The following SIPA1L1 variants were observed in gnomAD, a reference collection of about 807,000 sequenced individuals.
SIPA1L1 encodes the protein signal induced proliferation associated 1 like 1.
In SIPA1L1, 26 loss-of-function variants were observed where a neutral mutation model predicts 162.7. The ratio of observed to expected loss-of-function variants is 0.16; its 90% CI spans 0.12 to 0.22. SIPA1L1 has a LOEUF of 0.22. Ranked by LOEUF, SIPA1L1 falls within the 10% of genes least tolerant of loss-of-function variation. SIPA1L1 has a pLI of 1.00. For synonymous variants in SIPA1L1, 829 were observed against 837.4 expected, an observed-to-expected ratio of 0.99 and a Z score of 0.17; for missense variants, 1,874 against 2,241.0, an observed-to-expected ratio of 0.84 and a Z score of 3.31.
chr14:71,647,791 AC>A (rs1308510771), intron 7 of SIPA1L1, among the ~76,000 whole-genome samples: 1 of 152,154 alleles, frequency 6.6e-6, no homozygotes, highest in East Asian at 1.9e-4. Context: ...TGAAACCTTT[AC>A]CTGTGGGAGC....
intron 2 of SIPA1L1, among the ~76,000 whole-genome samples, chr14:71,350,157 C>G (rs376501912): frequency 6.6e-6 from 1 of 151,992 alleles, no homozygotes; most frequent in Non-Finnish European, 1.5e-5. Context: ...GCCTTGGCCT[C>G]CTAAAGTGCT....
intron 12 of SIPA1L1, among the ~76,000 whole-genome samples, chr14:71,674,055 T>G (rs2044815926): frequency 6.6e-6 from 1 of 152,272 alleles, no homozygotes; most frequent in Admixed American, 6.5e-5. Flanking sequence ...TTGTCTACTT[T>G]ATTGCTTCTG....
At chr14:71,560,211 G>A (rs931600540) in intron 4 of SIPA1L1, among the ~76,000 whole-genome samples, 1 of 152,168 alleles carries the variant, frequency 6.6e-6, no homozygotes, top group African/African-American at 2.4e-5. Context: ...ACTTGTGTCA[G>A]GAATGCAGTC....
At chr14:71,524,815 A>G (rs2052698290) in intron 3 of SIPA1L1, among the ~76,000 whole-genome samples, 1 of 152,152 alleles carries the variant, frequency 6.6e-6, no homozygotes. Context: ...ATTATACCTC[A>G]GATATGACCG....
intron 10 of SIPA1L1, among the ~76,000 whole-genome samples, chr14:71,667,746 A>G (rs1403690845): frequency 3.3e-5 from 5 of 151,944 alleles, no homozygotes; most frequent in African/African-American, 7.3e-5. Context: ...ATATTTCTCA[A>G]TTTTTATCCA....
intron 7 of SIPA1L1, among the ~76,000 whole-genome samples, chr14:71,625,036 A>G (rs1483034062): frequency 6.6e-6 from 1 of 152,186 alleles, no homozygotes. Context: ...TTTTAACATT[A>G]CATTTAAAAA....
intron 7 of SIPA1L1, among the ~76,000 whole-genome samples, chr14:71,633,493 G>GA (rs1357202848): frequency 2.0e-5 from 3 of 151,816 alleles, no homozygotes; most frequent in Non-Finnish European, 4.4e-5. Context: ...TTTTAAAAAT[G>GA]AAAAAATAGA....
At chr14:71,360,063 G>A (rs2037654371) in intron 2 of SIPA1L1, among the ~76,000 whole-genome samples, 1 of 152,198 alleles carries the variant, frequency 6.6e-6, no homozygotes, top group Non-Finnish European at 1.5e-5. Flanking sequence ...TCTTGTGAGA[G>A]TTGAACAGTG....
chr14:71,667,447 G>A (rs79472245), intron 10 of SIPA1L1, among the ~76,000 whole-genome samples: 1 of 152,112 alleles, frequency 6.6e-6, no homozygotes, highest in East Asian at 1.9e-4. Flanking sequence ...CTTCAGCCTT[G>A]ATCCTCAGCA....
intron 2 of SIPA1L1, among the ~76,000 whole-genome samples, chr14:71,504,598 C>G (rs561892609): frequency 1.3e-5 from 2 of 152,104 alleles, no homozygotes; most frequent in East Asian, 3.9e-4. Context: ...GAAAAAAATG[C>G]TCTGTGAGGA....
In SIPA1L1 at chr14:71,354,392, T is replaced by G. The variant is rs2037032613; in HGVS notation, c.-465+33211T>G. 5.9e-5 allele frequency among the ~76,000 whole-genome samples: 9 copies of G among 151,870 alleles called. 2 individuals are homozygous for G. The South Asian group carries it at 1.9e-3, about 32-fold the overall frequency. On this transcript the variant is annotated intron_variant, in intron 2 of 23. Transcript: ENST00000381232. ...TCCCAGGTTCAAGTGATTTTCCCTC[T>G]TCAGCCTCCTGAGTTGCTGGGATTA...
At chr14:71,691,119 C>T (rs559307721) in intron 13 of SIPA1L1, among the ~76,000 whole-genome samples, 2 of 152,332 alleles carry the variant, frequency 1.3e-5, no homozygotes, top group South Asian at 2.1e-4. Context: ...GTTCTCATTT[C>T]GCACTAAGTT....
At chr14:71,529,221 AAAGAT>A (rs2053198625) in intron 3 of SIPA1L1, 86 bp from the exon 4 acceptor site, 1 of 424,854 alleles carries the variant, frequency 2.4e-6, no homozygotes, top group African/African-American at 2.0e-5. Flanking sequence ...CTTCTAGAAC[AAAGAT>A]AAGACCTGTG....
intron 2 of SIPA1L1, among the ~76,000 whole-genome samples, chr14:71,324,844 G>T (rs1448349115): frequency 3.0e-4 from 46 of 152,166 alleles, no homozygotes; most frequent in Non-Finnish European, 1.5e-5. Flanking sequence ...TCAGCGACAT[G>T]TAAGGGTAAC....
intron 4 of SIPA1L1, among the ~76,000 whole-genome samples, chr14:71,533,454 C>T (rs986408609): frequency 5.3e-5 from 8 of 152,148 alleles, no homozygotes; most frequent in African/African-American, 9.7e-5. Flanking sequence ...GCAAAAAGGC[C>T]AAATTTTCAA....
chr14:71,524,353 A>G (rs1173393492), intron 3 of SIPA1L1, among the ~76,000 whole-genome samples: 1 of 152,080 alleles, frequency 6.6e-6, no homozygotes. Context: ...AATGCAGTTT[A>G]GTTGTTACTG....
intron 2 of SIPA1L1, among the ~76,000 whole-genome samples, chr14:71,480,369 G>A (rs941464106): frequency 1.3e-5 from 2 of 150,786 alleles, no homozygotes; most frequent in East Asian, 2.0e-4. Context: ...GATTACAGGC[G>A]TGAGCCACCG....
At chr14:71,354,001 A>G (rs2036972595) in intron 2 of SIPA1L1, among the ~76,000 whole-genome samples, 1 of 152,216 alleles carries the variant, frequency 6.6e-6, no homozygotes, top group Admixed American at 6.5e-5. Flanking sequence ...ATAAAGATCA[A>G]CCATTGAAAT....
At chr14:71,433,998 C>T (rs569816342) in intron 2 of SIPA1L1, among the ~76,000 whole-genome samples, 1 of 152,228 alleles carries the variant, frequency 6.6e-6, no homozygotes, top group Non-Finnish European at 1.5e-5. Context: ...TACTTCACTT[C>T]TCTTTGTCCT....
Sources: allele counts gnomAD v4.1 joint callset (sites outside exome capture counted in the v4.1 genomes callset), GRCh38; gene constraint gnomAD v4.1.1; transcripts MANE v1.5; gene names NCBI Gene and HGNC (gene_info 2026-07-23, HGNC 2026-07-21).